The following SZT2 variants were observed in gnomAD, a reference collection of about 807,000 sequenced individuals.
SZT2 encodes KICSTOR complex protein SZT2.
SZT2 carries 216 observed loss-of-function variants against 404.2 expected under a neutral mutation model. That is an observed-to-expected ratio of 0.53 (90% CI 0.48 to 0.60). SZT2 has a LOEUF of 0.60. Among genes scored for constraint, SZT2 ranks in the 20% least tolerant of loss-of-function variants. The probability of loss-of-function intolerance (pLI) is 0.00; values close to 1 mark genes in which losing one functional copy is unlikely to be tolerated. For missense variants in SZT2, 3,857 were observed against 4,459.2 expected (o/e 0.86, Z 3.85); for synonymous variants, 1,693 against 1,749.9 (o/e 0.97, Z 0.81).
In SZT2 at chr1:43,448,594, C is replaced by T. The variant is rs1655981587; in HGVS notation, c.9970-18C>T. On this transcript the variant is annotated intron_variant, in intron 69 of 71. Coordinates refer to ENST00000634258, the MANE Select transcript of SZT2 (RefSeq NM_001365999.1). The surrounding 1 kb of genome is among the most constrained non-coding windows in gnomAD (Gnocchi z 4.2). ...GGTGACTGGCACAGAAGACTCAGGCCTGTGGCTCCTCCCTCAGGACTGCTT... is the reference window on the plus strand; with the variant it reads ...GGTGACTGGCACAGAAGACTCAGGCTTGTGGCTCCTCCCTCAGGACTGCTT... 1 of 1,613,962 alleles carries T rather than the reference C, an allele frequency of 6.2e-7. No individual in the cohort carries two copies.
Position 43,439,174 on chromosome 1 carries a change from C to A in SZT2, c.6792+81C>A, listed in dbSNP as rs149349825. 6.1e-3 allele frequency: 9,651 copies of A among 1,590,740 alleles called. 39 individuals carry two copies. Among genetic ancestry groups the A allele is most frequent in the Non-Finnish European group, 7.4e-3 (8,609 of 1,163,390 alleles). On this transcript the variant is annotated intron_variant, in intron 48 of 71. Coordinates refer to ENST00000634258, the MANE Select transcript of SZT2 (RefSeq NM_001365999.1). This position sits in a 1 kb window ranked among gnomAD's most constrained non-coding sequence, Gnocchi z 4.2. ...CGCACTTACTCTTTCCTACCGATAC[C>A]CCTATATGTACCTTTGCCCATGGAC...
chr1:43,445,672 A>G lies in SZT2; in HGVS notation c.8826-222A>G, dbSNP rs866223688. On this transcript the variant is annotated intron_variant, in intron 62 of 71. Transcript: ENST00000634258. ...CTTAGTCTCCACCTCCCCACTGAGC[A>G]CTGTTTTTGCCTCCCTTGAAGCAGC... 77 of 607,096 alleles carry G rather than the reference A, an allele frequency of 1.3e-4. No homozygotes were observed. The Middle Eastern group carries it at 4.0e-3, about 32-fold the overall frequency. The allele number at this position is 607,096 out of a possible 1,614,324, so 37.6% of individuals were successfully genotyped here.
chr1:43,451,140 C>G lies in SZT2; in HGVS notation c.*660C>G. 1 of 1,161,824 alleles carries G rather than the reference C, an allele frequency of 8.6e-7. No individual in the cohort carries two copies. Among genetic ancestry groups the G allele is most frequent in the Non-Finnish European group, 1.3e-6 (1 of 770,354 alleles). The allele number at this position is 1,161,824 out of a possible 1,614,324, so 72.0% of individuals were successfully genotyped here. A position where few individuals can be genotyped will look rare whatever the true frequency, so the allele number is the denominator to read the frequency against. On this transcript the variant is annotated 3_prime_UTR_variant, in exon 72 of 72. Coordinates refer to ENST00000634258, the MANE Select transcript of SZT2 (RefSeq NM_001365999.1). ...CACTATGTGTCCCACCACCCCATTA[C>G]AGAGACATATGACAATGTTCAGCAG...
At position 43,453,443 on chromosome 1, in the gene SZT2, G is replaced by A. The variant is rs906855183; in HGVS notation, c.*2963G>A. ...GGCCTGCTCCAGTCCCTCTCGGAAGGCCGCCTGTCTCCCGGGGACGGCCCC... is the reference window on the plus strand; with the variant it reads ...GGCCTGCTCCAGTCCCTCTCGGAAGACCGCCTGTCTCCCGGGGACGGCCCC... On this transcript the variant is annotated 3_prime_UTR_variant, in exon 72 of 72. Coordinates refer to ENST00000634258, the MANE Select transcript of SZT2 (RefSeq NM_001365999.1). The A allele has an allele frequency of 1.3e-6, 2 of 1,564,020 alleles. No homozygotes were observed. Among genetic ancestry groups the A allele is most frequent in the African/African-American group, 1.4e-5 (1 of 73,366 alleles).
intron 51 of SZT2, 147 bp from the exon 52 acceptor site, chr1:43,440,306 C>A: frequency 7.7e-7 from 1 of 1,306,046 alleles, no homozygotes; most frequent in Non-Finnish European, 1.0e-6. Flanking sequence ...CAAACACATG[C>A]AGCAGCACAC....
In SZT2 at chr1:43,441,253, A is replaced by G; in HGVS notation, c.7384A>G (p.Thr2462Ala). The change falls in exon 53 of 72, where the codon ACT becomes GCT. Residue 2462 changes from threonine to alanine, a missense_variant. Thr to Ala is a moderately conservative substitution (Grantham distance 58). Coordinates refer to ENST00000634258, the MANE Select transcript of SZT2 (RefSeq NM_001365999.1). The surrounding 1 kb of genome is among the most constrained non-coding windows in gnomAD (Gnocchi z 4.8). Reference sequence around the variant, plus strand: ...TGGGGATTTGGGTTCCCCCAAAACAACTGATGACATTGTCCTGGATCGGCC... The same window carrying G: ...TGGGGATTTGGGTTCCCCCAAAACAGCTGATGACATTGTCCTGGATCGGCC... Reference protein sequence around the residue: ...ECGDLGSPKTTDDIVLDRPED... With the variant: ...ECGDLGSPKTADDIVLDRPED... 6.2e-7 allele frequency: 1 copy of G among 1,614,262 alleles called. No homozygotes were observed. Among genetic ancestry groups the G allele is most frequent in the South Asian group, 1.1e-5 (1 of 91,088 alleles).
chr1:43,447,477 G>T (rs1655815560), intron 66 of SZT2, 68 bp from the exon 67 acceptor site: 10 of 1,568,292 alleles, frequency 6.4e-6, no homozygotes, highest in African/African-American at 2.7e-5. Flanking sequence ...TCCCATCCCT[G>T]TGCCCCACCA....
rs548244611 is a variant in SZT2, at chr1:43,450,488, G to A, written c.*8G>A. 1 of 1,613,906 alleles carries A rather than the reference G, an allele frequency of 6.2e-7. No homozygotes were observed. Among genetic ancestry groups the A allele is most frequent in the Non-Finnish European group, 8.5e-7 (1 of 1,179,966 alleles). On this transcript the variant is annotated 3_prime_UTR_variant, in exon 72 of 72. Coordinates refer to ENST00000634258, the MANE Select transcript of SZT2 (RefSeq NM_001365999.1). The surrounding 1 kb of genome is among the most constrained non-coding windows in gnomAD (Gnocchi z 4.3). The stretch of plus-strand genomic sequence containing the variant: ...TGGACCCGCCTCCTCTGAGGGAGTG[G>A]ACTGGACCACTGAATGTCACTGTTC...
Position 43,422,485 on chromosome 1 carries a change from T to A in SZT2, c.1775T>A (p.Ile592Asn), listed in dbSNP as rs920653578. 2 of 1,586,156 alleles carry A rather than the reference T, an allele frequency of 1.3e-6. No individual in the cohort carries two copies. ...GTCCACACCCCTCTTCCTAGACCAA[T>A]CCCCAAGCACTTGCACACCCCGGGC... Reference protein sequence around the residue: ...LVLILEHDTPIPKHLHTPGSN... With the variant: ...LVLILEHDTPNPKHLHTPGSN... The change falls in exon 13 of 72, where the codon ATC becomes AAC. Residue 592 changes from isoleucine to asparagine, a missense_variant. Physicochemically the swap from Ile to Asn is moderately radical, Grantham distance 149 (BLOSUM62 -3). Around this residue, in one of 7 missense-constraint regions of SZT2, gnomAD observed 1,725 missense variants for 1,881.0 expected, o/e 0.92. Transcript: ENST00000634258.
chr1:43,398,394 C>A (rs1030055837), intron 1 of SZT2, among the ~76,000 whole-genome samples: 1 of 152,212 alleles, frequency 6.6e-6, no homozygotes, highest in Admixed American at 6.5e-5. Context: ...CAAATGACTG[C>A]TGAATTAGGA....
Position 43,442,087 on chromosome 1 carries a change from T to G in SZT2, c.7830T>G (p.Leu2610=), listed in dbSNP as rs145125111. The change falls in exon 56 of 72, where the codon CTT becomes CTG. Residue 2610 remains leucine (L), a synonymous_variant. Transcript: ENST00000634258. This position sits in a 1 kb window ranked among gnomAD's most constrained non-coding sequence, Gnocchi z 4.5. ...PRPAAERHLL[L]LGRNFLQWRR... ...CTGCAGCTGAGCGGCATCTGCTGCT[T>G]CTGGGAAGGAACTTCTTGCAGTGGA... is the stretch of plus-strand genomic sequence containing the variant. 130 of 1,609,848 alleles carry G rather than the reference T, an allele frequency of 8.1e-5. No individual in the cohort carries two copies. The highest frequency in any genetic ancestry group is 1.1e-4 in the Non-Finnish European group (126 of 1,177,956).
intron 1 of SZT2, among the ~76,000 whole-genome samples, chr1:43,391,809 C>T (rs1220510021): frequency 2.1e-4 from 4 of 19,024 alleles, no homozygotes; most frequent in Non-Finnish European, 4.9e-4. Context: ...AGGCCGGGCG[C>T]GGTGGCTCAC....
chr1:43,448,974 G>A lies in SZT2; in HGVS notation c.10086+246G>A, dbSNP rs779801522. ...CCTTGGCTTGAGATCCTGAGGGCCA[G>A]GCTCTGGAACTGACAACCCAAGGAG... On this transcript the variant is annotated intron_variant, in intron 70 of 71. Transcript: ENST00000634258. This position sits in a 1 kb window ranked among gnomAD's most constrained non-coding sequence, Gnocchi z 4.2. The A allele has an allele frequency of 2.0e-6, 1 of 502,516 alleles. No homozygotes were observed. Among genetic ancestry groups the A allele is most frequent in the Non-Finnish European group, 3.6e-6 (1 of 280,274 alleles). The allele number at this position is 502,516 out of a possible 1,614,324, so 31.1% of individuals were successfully genotyped here. A position where few individuals can be genotyped will look rare whatever the true frequency, so the allele number is the denominator to read the frequency against.
At chr1:43,427,819 GGTAA>G (rs1300808178) in intron 26 of SZT2, 85 bp downstream of exon 26, 3 of 1,499,282 alleles carry the variant, frequency 2.0e-6, no homozygotes, top group Non-Finnish European at 2.7e-6. Context: ...GGCGTGGGCA[GGTAA>G]GTTGCTGCCA....
At position 43,427,677 on chromosome 1, in the gene SZT2, T is replaced by A; in HGVS notation, c.3746T>A (p.Leu1249Gln). ...ATCTACAGCTGTTCACTGGAAGCGC[T>A]GAGGGAACAAATGGTTGGCATGCAG... ...VYIYSCSLEA[L>Q]REQMVGMQPP... Residue 1249 changes from leucine (L) to glutamine (Q), a missense_variant, in exon 26 of 72, where the codon CTG becomes CAG. Coordinates refer to ENST00000634258, the MANE Select transcript of SZT2 (RefSeq NM_001365999.1). The A allele has an allele frequency of 6.2e-7, 1 of 1,614,198 alleles. No individual in the cohort carries two copies. The highest frequency in any genetic ancestry group is 8.5e-7 in the Non-Finnish European group (1 of 1,180,038).
In SZT2 at chr1:43,453,479, T is replaced by TC. The variant is rs1656674515; in HGVS notation, c.*3004dup. On this transcript the variant is annotated 3_prime_UTR_variant, in exon 72 of 72. Transcript: ENST00000634258. ...CCCGGGGACGGCCCCCAGCCCCATT[T>TC]CCCCCTTCTCTTGGTCTCCTGCAGA... is the stretch of plus-strand genomic sequence containing the variant. 1 of 1,558,966 alleles carries TC rather than the reference T, an allele frequency of 6.4e-7. No homozygotes were observed.
At chr1:43,434,133 G>A (rs950007077) in intron 40 of SZT2, among the ~76,000 whole-genome samples, 1 of 152,192 alleles carries the variant, frequency 6.6e-6, no homozygotes, top group Admixed American at 6.5e-5. Context: ...TGTGGTACCC[G>A]TATGGGAGCT....
Position 43,424,768 on chromosome 1 carries a change from C to A in SZT2, c.2472-16C>A, listed in dbSNP as rs554842337. The A allele has an allele frequency of 1.9e-6, 3 of 1,612,986 alleles. No individual in the cohort carries two copies. The South Asian group carries it at 3.3e-5, about 18-fold the overall frequency. On this transcript the variant is annotated splice_polypyrimidine_tract_variant and intron_variant, in intron 16 of 71. Transcript: ENST00000634258. This position sits in a 1 kb window ranked among gnomAD's most constrained non-coding sequence, Gnocchi z 4.1. ...TCCCTTATCCTGGCCTTGCCCCGGC[C>A]TTTATGGGGCTTCAGAGTCCGACTT...
Position 43,420,094 on chromosome 1 carries a change from C to G in SZT2, c.1091-59C>G, listed in dbSNP as rs1028572113. On this transcript the variant is annotated intron_variant, in intron 8 of 71. Transcript: ENST00000634258. The surrounding 1 kb of genome is among the most constrained non-coding windows in gnomAD (Gnocchi z 5.1). ...ATTTCAGCATAGCCCCTTCCCCCTA[C>G]AGATCTGTCAGTTGGCAGATAACCA... The G allele has an allele frequency of 3.8e-6, 6 of 1,582,506 alleles. No homozygotes were observed. The East Asian group carries it at 1.1e-4, about 29-fold the overall frequency.
Sources: allele counts gnomAD v4.1 joint callset (sites outside exome capture counted in the v4.1 genomes callset), GRCh38; gene constraint gnomAD v4.1.1; regional missense constraint gnomAD v4.1.1; non-coding constraint Gnocchi (gnomAD v3.1); transcripts MANE v1.5; gene names NCBI Gene and HGNC (gene_info 2026-07-23, HGNC 2026-07-21).